IGSF21: variants seen among roughly 807,000 people sequenced by gnomAD.
The protein encoded by IGSF21 is immunoglobin superfamily member 21.
Under a neutral mutation model 46.8 loss-of-function variants are expected in IGSF21, and 28 were observed. The ratio of observed to expected loss-of-function variants is 0.60; its 90% CI spans 0.44 to 0.82. The LOEUF is 0.82. Among genes scored for constraint, IGSF21 ranks in the 40% least tolerant of loss-of-function variants. The probability of loss-of-function intolerance (pLI) is 0.00; values close to 1 mark genes in which losing one functional copy is unlikely to be tolerated. For missense variants in IGSF21, 624 were observed against 665.5 expected (o/e 0.94, Z 0.69); for synonymous variants, 284 against 273.6 (o/e 1.04, Z -0.38).
intron 3 of IGSF21, among the ~76,000 whole-genome samples, chr1:18,314,368 A>G (rs1312407416): frequency 6.6e-6 from 1 of 151,304 alleles, no homozygotes; most frequent in Non-Finnish European, 1.5e-5. Flanking sequence ...CTTTCTTACC[A>G]CGATTCCAGC....
chr1:18,240,319 A>G (rs2084714228), intron 2 of IGSF21, among the ~76,000 whole-genome samples: 2 of 152,166 alleles, frequency 1.3e-5, no homozygotes, highest in Admixed American at 1.3e-4. Context: ...AATACGCAAA[A>G]CAAGGTAGCC....
rs1412400033 is a variant in IGSF21, at chr1:18,337,978, A to G, written c.424+2968A>G. On this transcript the variant is annotated intron_variant, in intron 4 of 9. Transcript: ENST00000251296. This position sits in a 1 kb window ranked among gnomAD's most constrained non-coding sequence, Gnocchi z 5.7. ...CACCAAGGTCCTGAATGGTGAGGGG[A>G]GGGCCGGGGGAGGCGGCGTGGCTGA... 6.6e-6 allele frequency among the ~76,000 whole-genome samples: 1 copy of G among 152,026 alleles called. No individual in the cohort carries two copies. Among genetic ancestry groups the G allele is most frequent in the Non-Finnish European group, 1.5e-5 (1 of 67,990 alleles).
At chr1:18,119,539 A>G (rs1021669465) in intron 1 of IGSF21, among the ~76,000 whole-genome samples, 2 of 152,198 alleles carry the variant, frequency 1.3e-5, no homozygotes, top group Admixed American at 6.5e-5. Context: ...TGGCATGCCC[A>G]CTGACAGGAA....
At chr1:18,195,094 C>T (rs1445513207) in intron 1 of IGSF21, among the ~76,000 whole-genome samples, 1 of 152,202 alleles carries the variant, frequency 6.6e-6, no homozygotes. Flanking sequence ...GCCCTTGACA[C>T]ATGGGGATTA....
At chr1:18,332,883 C>T (rs1228804278) in intron 3 of IGSF21, among the ~76,000 whole-genome samples, 13 of 152,138 alleles carry the variant, frequency 8.5e-5, no homozygotes, top group Admixed American at 8.5e-4. Flanking sequence ...GAAAAAGAGG[C>T]TGGCAGCCCA....
rs146312574 is a variant in IGSF21, at chr1:18,235,496, G to A, written c.183+7486G>A. 7.3e-4 allele frequency among the ~76,000 whole-genome samples: 111 copies of A among 152,304 alleles called. 1 individual carries two copies. The highest frequency in any genetic ancestry group is 2.3e-3 in the African/African-American group (94 of 41,570). On this transcript the variant is annotated intron_variant, in intron 2 of 9. Coordinates refer to ENST00000251296, the MANE Select transcript of IGSF21 (RefSeq NM_032880.5). ...AGGAAAAGACATTTAAGCTGAGATC[G>A]CAAAGGCAACAGGAAACCTACCATG... is the stretch of plus-strand genomic sequence containing the variant.
intron 3 of IGSF21, among the ~76,000 whole-genome samples, chr1:18,314,964 G>A (rs1287076189): frequency 6.6e-6 from 1 of 152,122 alleles, no homozygotes. Flanking sequence ...GAGGGAAAGG[G>A]GTTTGGGAAG....
chr1:18,249,629 C>A (rs1260581180), intron 2 of IGSF21, among the ~76,000 whole-genome samples: 1 of 152,180 alleles, frequency 6.6e-6, no homozygotes, highest in Non-Finnish European at 1.5e-5. Flanking sequence ...GTCTCTCACC[C>A]CGCTGTGCCT....
intron 1 of IGSF21, among the ~76,000 whole-genome samples, chr1:18,203,829 C>T (rs1054599679): frequency 6.6e-6 from 1 of 152,166 alleles, no homozygotes; most frequent in African/African-American, 2.4e-5. Context: ...ACATTTTAGG[C>T]TTTGTAGTCC....
intron 1 of IGSF21, among the ~76,000 whole-genome samples, chr1:18,148,129 CTTTT>C (rs58426436): frequency 9.2e-6 from 1 of 108,322 alleles, no homozygotes; most frequent in Non-Finnish European, 1.7e-5. Flanking sequence ...CAAGTATGTC[CTTTT>C]TTTTTTTTTT....
chr1:18,344,540 G>A (rs1051757150), intron 4 of IGSF21, among the ~76,000 whole-genome samples: 10 of 151,888 alleles, frequency 6.6e-5, no homozygotes, highest in African/African-American at 2.4e-4. Context: ...GCTTCTCTGG[G>A]GGACAGCAAT....
At chr1:18,134,827 G>C (rs1195577156) in intron 1 of IGSF21, among the ~76,000 whole-genome samples, 1 of 152,230 alleles carries the variant, frequency 6.6e-6, no homozygotes, top group Non-Finnish European at 1.5e-5. Context: ...GCTCAGACCG[G>C]GGCCTCAGTC....
chr1:18,291,298 G>A (rs1159287557), intron 2 of IGSF21, among the ~76,000 whole-genome samples: 2 of 152,192 alleles, frequency 1.3e-5, no homozygotes, highest in Non-Finnish European at 2.9e-5. Flanking sequence ...ATCCCAAGAC[G>A]AGGGCAAGTG....
chr1:18,264,752 A>G (rs1387585174), intron 2 of IGSF21, among the ~76,000 whole-genome samples: 1 of 152,222 alleles, frequency 6.6e-6, no homozygotes, highest in African/African-American at 2.4e-5. Flanking sequence ...TTTGTTCCAG[A>G]TGATTCTCTG....
chr1:18,150,279 T>A (rs2086509788), intron 1 of IGSF21, among the ~76,000 whole-genome samples: 1 of 152,080 alleles, frequency 6.6e-6, no homozygotes, highest in Admixed American at 6.5e-5. Flanking sequence ...TGAGCTGGGG[T>A]GGAATCCTCT....
chr1:18,268,714 GA>G (rs1413157268), intron 2 of IGSF21, among the ~76,000 whole-genome samples: 4 of 152,208 alleles, frequency 2.6e-5, no homozygotes, highest in African/African-American at 9.6e-5. Flanking sequence ...TGCAGATCCA[GA>G]AACAGATAGA....
At chr1:18,354,048 G>A (rs1328251414) in intron 4 of IGSF21, among the ~76,000 whole-genome samples, 3 of 152,250 alleles carry the variant, frequency 2.0e-5, no homozygotes, top group Non-Finnish European at 4.4e-5. Flanking sequence ...ACTCTAGTGG[G>A]GAGACAGACG....
chr1:18,196,661 C>A (rs889387821), intron 1 of IGSF21, among the ~76,000 whole-genome samples: 1 of 152,136 alleles, frequency 6.6e-6, no homozygotes, highest in Non-Finnish European at 1.5e-5. Flanking sequence ...CACATAATGG[C>A]CCCATGAGGT....
chr1:18,187,059 G>A lies in IGSF21; in HGVS notation c.71-40839G>A, dbSNP rs115394028. Among the ~76,000 whole-genome samples the A allele has an allele frequency of 6.3e-3, 964 of 152,220 alleles. 12 individuals carry two copies. The highest frequency in any genetic ancestry group is 0.022 in the African/African-American group (908 of 41,532). ...CTGCTATAACAAAATACTGTAAACT[G>A]CGTGGCTTCAACTATAGATTATTTT... On this transcript the variant is annotated intron_variant, in intron 1 of 9. Coordinates refer to ENST00000251296, the MANE Select transcript of IGSF21 (RefSeq NM_032880.5).
Sources: allele counts gnomAD v4.1 joint callset (sites outside exome capture counted in the v4.1 genomes callset), GRCh38; gene constraint gnomAD v4.1.1; non-coding constraint Gnocchi (gnomAD v3.1); transcripts MANE v1.5; gene names NCBI Gene and HGNC (gene_info 2026-07-23, HGNC 2026-07-21).